DCC: variants seen among roughly 807,000 people sequenced by gnomAD.
The protein encoded by DCC is netrin receptor DCC.
Under a neutral mutation model 172.5 loss-of-function variants are expected in DCC, and 58 were observed. That is an observed-to-expected ratio of 0.34 (90% CI 0.27 to 0.42). The LOEUF is 0.42. Ranked by LOEUF, DCC falls within the 10% of genes least tolerant of loss-of-function variation. The probability of loss-of-function intolerance (pLI) is 1.00; values close to 1 mark genes in which losing one functional copy is unlikely to be tolerated. For synonymous variants in DCC, 709 were observed against 644.5 expected, an observed-to-expected ratio of 1.10 and a Z score of -1.52; for missense variants, 1,740 against 1,791.0, an observed-to-expected ratio of 0.97 and a Z score of 0.51.
chr18:52,896,583 G>A (rs999390374), intron 2 of DCC, among the ~76,000 whole-genome samples: 1 of 152,204 alleles, frequency 6.6e-6, no homozygotes, highest in African/African-American at 2.4e-5. Flanking sequence ...ATGTGAGTTT[G>A]AGGAAGAGGT....
At chr18:52,879,412 C>CTTTTGTTTTTT (rs2039448452) in intron 2 of DCC, among the ~76,000 whole-genome samples, 1 of 62,356 alleles carries the variant, frequency 1.6e-5, no homozygotes, top group Non-Finnish European at 2.9e-5. Flanking sequence ...TGTTGTTTGG[C>CTTTTGTTTTTT]TTTTTTTTTT....
intron 12 of DCC, among the ~76,000 whole-genome samples, chr18:53,295,639 C>T (rs749946363): frequency 3.2e-4 from 49 of 152,136 alleles, no homozygotes; most frequent in Non-Finnish European, 2.9e-4. Flanking sequence ...GAAAACTGCC[C>T]TTTCCAACAT....
At chr18:52,921,698 A>AT (rs2040127614) in intron 3 of DCC, among the ~76,000 whole-genome samples, 5 of 124,958 alleles carry the variant, frequency 4.0e-5, no homozygotes, top group South Asian at 2.2e-4. Context: ...CTCCATCTCA[A>AT]AAATAAAAAT....
intron 8 of DCC, 81 bp downstream of exon 8, chr18:53,157,593 C>A (rs567444075): frequency 1.2e-5 from 17 of 1,446,792 alleles, no homozygotes; most frequent in South Asian, 9.4e-5. Flanking sequence ...AGGAGGAGAT[C>A]TTGGGCAGGA....
intron 1 of DCC, among the ~76,000 whole-genome samples, chr18:52,437,035 T>C (rs988168754): frequency 2.6e-5 from 4 of 152,246 alleles, no homozygotes; most frequent in Admixed American, 6.5e-5. Context: ...CTAGTGTTAC[T>C]GGAAATTGAT....
intron 5 of DCC, among the ~76,000 whole-genome samples, chr18:53,056,479 T>C (rs529618249): frequency 6.6e-6 from 1 of 152,278 alleles, no homozygotes; most frequent in South Asian, 2.1e-4. Flanking sequence ...TGTGGTTGCA[T>C]GTGAAACAAT....
chr18:52,430,379 A>G (rs1987581675), intron 1 of DCC, among the ~76,000 whole-genome samples: 1 of 143,424 alleles, frequency 7.0e-6, no homozygotes, highest in Non-Finnish European at 1.6e-5. Context: ...AATGCAACAT[A>G]CTTTTACAGT....
chr18:52,902,913 G>A (rs748590625), intron 2 of DCC, among the ~76,000 whole-genome samples: 1 of 152,174 alleles, frequency 6.6e-6, no homozygotes, highest in Non-Finnish European at 1.5e-5. Flanking sequence ...ACATTGCATT[G>A]TTAACTTTTA....
At chr18:52,575,411 G>T (rs1231407692) in intron 1 of DCC, among the ~76,000 whole-genome samples, 1 of 152,132 alleles carries the variant, frequency 6.6e-6, no homozygotes, top group African/African-American at 2.4e-5. Flanking sequence ...TATTACTCAC[G>T]TTATTCACTG....
At chr18:52,578,490 T>C (rs775579269) in intron 1 of DCC, among the ~76,000 whole-genome samples, 2 of 152,316 alleles carry the variant, frequency 1.3e-5, no homozygotes, top group South Asian at 2.1e-4. Flanking sequence ...AAGTTTTTGT[T>C]GTATGTGTGT....
At position 52,877,179 on chromosome 18, in the gene DCC, T is replaced by C. The variant is rs147172859; in HGVS notation, c.413-28865T>C. 5.2e-3 allele frequency among the ~76,000 whole-genome samples: 794 copies of C among 152,284 alleles called. 5 individuals are homozygous for C. The highest frequency in any genetic ancestry group is 0.018 in the African/African-American group (765 of 41,566). The stretch of plus-strand genomic sequence containing the variant: ...ACTGTTGACTTGGGGTCCAGATACT[T>C]GTATGTTGTGGTAGACCATCTTGTG... On this transcript the variant is annotated intron_variant, in intron 2 of 28. Transcript: ENST00000442544.
chr18:53,041,315 G>T (rs1206642616), intron 5 of DCC, among the ~76,000 whole-genome samples: 1 of 152,192 alleles, frequency 6.6e-6, no homozygotes, highest in Admixed American at 6.6e-5. Flanking sequence ...TCAAAGATCA[G>T]ATGGTTGTAG....
At chr18:52,787,226 C>G (rs1290991111) in intron 2 of DCC, among the ~76,000 whole-genome samples, 1 of 152,124 alleles carries the variant, frequency 6.6e-6, no homozygotes. Context: ...GACACATAAA[C>G]ATTTCAGTTC....
intron 7 of DCC, among the ~76,000 whole-genome samples, chr18:53,147,426 A>C (rs780147039): frequency 2.6e-4 from 39 of 152,334 alleles, no homozygotes; most frequent in South Asian, 8.3e-4. Context: ...CAGTGACTTC[A>C]TAACAGTGGC....
At chr18:52,836,007 C>G (rs112927789) in intron 2 of DCC, among the ~76,000 whole-genome samples, 1,690 of 152,256 alleles carry the variant, frequency 0.011, 24 homozygotes, top group African/African-American at 0.036. Context: ...AGGAAACTTA[C>G]AATTATGGCA....
intron 27 of DCC, among the ~76,000 whole-genome samples, chr18:53,517,447 A>AT (rs2046348998): frequency 7.4e-6 from 1 of 134,870 alleles, no homozygotes. Context: ...TTAAAATATA[A>AT]TAATAATAAT....
chr18:53,340,565 G>A (rs1163581513), intron 15 of DCC, among the ~76,000 whole-genome samples: 2 of 152,126 alleles, frequency 1.3e-5, no homozygotes, highest in Admixed American at 6.6e-5. Context: ...CAATACTTCA[G>A]TTGTGATATT....
intron 1 of DCC, among the ~76,000 whole-genome samples, chr18:52,511,280 C>CAAAAA (rs5824941): frequency 8.2e-5 from 9 of 109,994 alleles, no homozygotes; most frequent in East Asian, 2.5e-4. Context: ...GACTCTGTCT[C>CAAAAA]AAAAAAAAAA....
At chr18:52,880,029 C>T (rs1329203271) in intron 2 of DCC, among the ~76,000 whole-genome samples, 1 of 152,180 alleles carries the variant, frequency 6.6e-6, no homozygotes, top group South Asian at 2.1e-4. Flanking sequence ...GTGTTACAAA[C>T]AATCCAGTTA....
Sources: gnomAD v4.1 joint callset for allele counts (sites outside exome capture counted in the v4.1 genomes callset) on GRCh38, gnomAD v4.1.1 for gene constraint, MANE v1.5 for transcripts, NCBI Gene and HGNC (gene_info 2026-07-23, HGNC 2026-07-21) for gene names.